PITPNM2: variants seen among roughly 807,000 people sequenced by gnomAD.
The protein encoded by PITPNM2 is phosphatidylinositol transfer protein membrane associated 2.
PITPNM2 carries 35 observed loss-of-function variants against 132.2 expected under a neutral mutation model. That is an observed-to-expected ratio of 0.26 (90% CI 0.20 to 0.35). The LOEUF (loss-of-function observed/expected upper bound fraction) is 0.35. Among genes scored for constraint, PITPNM2 ranks in the 10% least tolerant of loss-of-function variants. The pLI, the probability that PITPNM2 is intolerant of heterozygous loss-of-function variation, is 1.00. For missense variants in PITPNM2, 1,332 were observed against 1,912.0 expected (o/e 0.70, Z 5.66); for synonymous variants, 738 against 799.2 (o/e 0.92, Z 1.29).
chr12:123,061,626 T>C (rs181914711), intron 2 of PITPNM2, among the ~76,000 whole-genome samples: 11 of 152,304 alleles, frequency 7.2e-5, no homozygotes, highest in African/African-American at 2.6e-4. Flanking sequence ...TGGGAGTCAT[T>C]GGTCATCACA....
chr12:123,029,780 G>A (rs2040007169), intron 3 of PITPNM2, among the ~76,000 whole-genome samples: 1 of 151,808 alleles, frequency 6.6e-6, no homozygotes, highest in Non-Finnish European at 1.5e-5. Context: ...ATGCATAGGT[G>A]GCTGTGCTTG....
At chr12:123,130,189 T>G (rs2043231873) in intron 1 of PITPNM2, among the ~76,000 whole-genome samples, 1 of 152,108 alleles carries the variant, frequency 6.6e-6, no homozygotes. Context: ...ATATGAATCA[T>G]GCTAATCCCA....
At chr12:123,122,457 G>A (rs754571643) in intron 1 of PITPNM2, among the ~76,000 whole-genome samples, 2 of 151,972 alleles carry the variant, frequency 1.3e-5, no homozygotes, top group East Asian at 1.9e-4. Context: ...ACAAGGCTCC[G>A]TCTCCAAAAA....
intron 2 of PITPNM2, among the ~76,000 whole-genome samples, chr12:123,070,549 C>T (rs1380472571): frequency 6.6e-6 from 1 of 152,178 alleles, no homozygotes; most frequent in Non-Finnish European, 1.5e-5. Context: ...ACATGACACA[C>T]GCTGAGTCTG....
chr12:123,102,291 G>A (rs1400192317), intron 2 of PITPNM2, among the ~76,000 whole-genome samples: 2 of 152,236 alleles, frequency 1.3e-5, no homozygotes, highest in Non-Finnish European at 2.9e-5. Context: ...CTTCCTTACT[G>A]TCTCCGCATC....
chr12:123,107,122 A>G (rs1215463932), intron 2 of PITPNM2, among the ~76,000 whole-genome samples: 2 of 152,168 alleles, frequency 1.3e-5, no homozygotes, highest in African/African-American at 4.8e-5. Flanking sequence ...GGCCCTGCCC[A>G]TGTCATGAGC....
In PITPNM2 at chr12:123,095,806, CTG is replaced by C. The variant is rs2042395656; in HGVS notation, c.-96+14577_-96+14578del. On this transcript the variant is annotated intron_variant, in intron 2 of 25. Coordinates refer to ENST00000320201, the MANE Select transcript of PITPNM2 (RefSeq NM_020845.3). The surrounding 1 kb of genome is among the most constrained non-coding windows in gnomAD (Gnocchi z 5.0). ...CCTTGTTTACACGCAACCCTGCCTC[CTG>C]TGTCGTGTGAACTCAGCACCCCACA... is the stretch of plus-strand genomic sequence containing the variant. Among the ~76,000 whole-genome samples the C allele has an allele frequency of 6.6e-6, 1 of 152,270 alleles. No individual in the cohort carries two copies. The highest frequency in any genetic ancestry group is 2.4e-5 in the African/African-American group (1 of 41,470).
Position 123,106,629 on chromosome 12 carries a change from G to C in PITPNM2, c.-96+3756C>G. Among the ~76,000 whole-genome samples, 1 of 152,198 alleles carries C rather than the reference G, an allele frequency of 6.6e-6. No homozygotes were observed. Among genetic ancestry groups the C allele is most frequent in the Non-Finnish European group, 1.5e-5 (1 of 68,038 alleles). On this transcript the variant is annotated intron_variant, in intron 2 of 25. Transcript: ENST00000320201. The surrounding 1 kb of genome is among the most constrained non-coding windows in gnomAD (Gnocchi z 4.4). ...AATAAACAAAATGTAGATGGGAGCA[G>C]TCAGGAGGGGCACAGGTGACAGAAC...
rs994064822 is a variant in PITPNM2 at position 123,078,006 on chromosome 12, G to A, written c.-96+32379C>T. Among the ~76,000 whole-genome samples, 10 of 152,212 alleles carry A rather than the reference G, an allele frequency of 6.6e-5. No individual in the cohort carries two copies. Among genetic ancestry groups the A allele is most frequent in the African/African-American group, 1.9e-4 (8 of 41,520 alleles). On this transcript the variant is annotated intron_variant, in intron 2 of 25. Coordinates refer to ENST00000320201, the MANE Select transcript of PITPNM2 (RefSeq NM_020845.3). The surrounding 1 kb of genome is among the most constrained non-coding windows in gnomAD (Gnocchi z 7.3). ...GGAGACAGAGGACACTGAGGAGCACGCGTGTCCCCAGGATGGGTGGACGGA... is the reference window on the plus strand; with the variant it reads ...GGAGACAGAGGACACTGAGGAGCACACGTGTCCCCAGGATGGGTGGACGGA...
intron 3 of PITPNM2, among the ~76,000 whole-genome samples, chr12:123,025,993 A>G (rs527337170): frequency 6.6e-6 from 1 of 152,316 alleles, no homozygotes; most frequent in South Asian, 2.1e-4. Context: ...CCTTGAATTC[A>G]GACCTGTGTC....
rs190754330 is a variant in PITPNM2, at chr12:123,057,328, C to T, written c.-95-22643G>A. On this transcript the variant is annotated intron_variant, in intron 2 of 25. Coordinates refer to ENST00000320201, the MANE Select transcript of PITPNM2 (RefSeq NM_020845.3). ...CCGGGAGGCAGAAGTTGCGGTGAGC[C>T]GAGATCACACCATTGCACTCCAGCC... 2.1e-3 allele frequency among the ~76,000 whole-genome samples: 309 copies of T among 147,636 alleles called. 2 individuals are homozygous for T. The highest frequency in any genetic ancestry group is 7.1e-3 in the African/African-American group (283 of 39,916).
intron 2 of PITPNM2, among the ~76,000 whole-genome samples, chr12:123,042,123 C>T (rs1453040248): frequency 6.6e-6 from 1 of 151,970 alleles, no homozygotes; most frequent in East Asian, 1.9e-4. Flanking sequence ...TGAGGGATGT[C>T]ACCCAAAGAA....
Position 123,121,937 on chromosome 12 carries a change from G to A in PITPNM2, c.-199-11449C>T, listed in dbSNP as rs1032205088. ...TGGCATGATCTTGGCTCACTGCAACGTCTGCCTCCCAGGCTCAAGTGATCC... is the reference window on the plus strand; with the variant it reads ...TGGCATGATCTTGGCTCACTGCAACATCTGCCTCCCAGGCTCAAGTGATCC... On this transcript the variant is annotated intron_variant, in intron 1 of 25. Transcript: ENST00000320201. Among the ~76,000 whole-genome samples the A allele has an allele frequency of 1.3e-4, 20 of 151,872 alleles. 1 individual carries two copies. The highest frequency in any genetic ancestry group is 3.4e-4 in the African/African-American group (14 of 41,318).
intron 2 of PITPNM2, among the ~76,000 whole-genome samples, chr12:123,104,780 C>T (rs1164254802): frequency 6.6e-6 from 1 of 152,190 alleles, no homozygotes; most frequent in Non-Finnish European, 1.5e-5. Flanking sequence ...TTGGTGGTCT[C>T]TTCACACGGA....
Position 123,108,927 on chromosome 12 carries a change from T to A in PITPNM2, c.-96+1458A>T, listed in dbSNP as rs1423161095. 6.6e-6 allele frequency among the ~76,000 whole-genome samples: 1 copy of A among 152,026 alleles called. No homozygotes were observed. Among genetic ancestry groups the A allele is most frequent in the East Asian group, 1.9e-4 (1 of 5,190 alleles). On this transcript the variant is annotated intron_variant, in intron 2 of 25. Transcript: ENST00000320201. The surrounding 1 kb of genome is among the most constrained non-coding windows in gnomAD (Gnocchi z 4.4). ...GGGCCCTGTGAGTCACAGGCCAAAT[T>A]TGAAAAACCATGCCATGTGCTTCCA...
In PITPNM2 at chr12:122,985,675, T is replaced by G. The variant is rs1206306585; in HGVS notation, c.*352A>C. On this transcript the variant is annotated 3_prime_UTR_variant, in exon 26 of 26. Transcript: ENST00000320201. ...CCTGGGAGTGAGGGTGGCCAGTGGA[T>G]GGGGAGGTGGCAGGCTGCGCCTGGG... The G allele has an allele frequency of 1.3e-5, 3 of 235,326 alleles. No homozygotes were observed. Among genetic ancestry groups the G allele is most frequent in the Admixed American group, 5.7e-5 (1 of 17,412 alleles). 14.6% of individuals were successfully genotyped at this position (235,326 alleles called of 1,614,324 possible). A position where few individuals can be genotyped will look rare whatever the true frequency, so the allele number is the denominator to read the frequency against.
chr12:123,000,224 C>A lies in PITPNM2; in HGVS notation c.1224+554G>T. 1 of 599,298 alleles carries A rather than the reference C, an allele frequency of 1.7e-6. No homozygotes were observed. Among genetic ancestry groups the A allele is most frequent in the Non-Finnish European group, 3.0e-6 (1 of 337,012 alleles). 37.1% of individuals were successfully genotyped at this position (599,298 alleles called of 1,614,324 possible). On this transcript the variant is annotated intron_variant, in intron 10 of 25. Coordinates refer to ENST00000320201, the MANE Select transcript of PITPNM2 (RefSeq NM_020845.3). The surrounding 1 kb of genome is among the most constrained non-coding windows in gnomAD (Gnocchi z 5.4). The stretch of plus-strand genomic sequence containing the variant: ...CTCAGCCCTGGCTCCTGTCCCAGTG[C>A]AAACAGCTCTGACGGCCCGCAGGTG...
At chr12:123,029,699 ATGT>A (rs1484731204) in intron 3 of PITPNM2, among the ~76,000 whole-genome samples, 1 of 151,688 alleles carries the variant, frequency 6.6e-6, no homozygotes, top group Non-Finnish European at 1.5e-5. Context: ...ATATGTGTGC[ATGT>A]TGTGTGTGCA....
chr12:123,086,668 G>C (rs2042121450), intron 2 of PITPNM2, among the ~76,000 whole-genome samples: 1 of 152,176 alleles, frequency 6.6e-6, no homozygotes, highest in African/African-American at 2.4e-5. Context: ...CTTGCCCCAG[G>C]ACATACAGCC....
Sources: allele counts gnomAD v4.1 joint callset (sites outside exome capture counted in the v4.1 genomes callset), GRCh38; gene constraint gnomAD v4.1.1; non-coding constraint Gnocchi (gnomAD v3.1); transcripts MANE v1.5; gene names NCBI Gene and HGNC (gene_info 2026-07-23, HGNC 2026-07-21).